The following CADPS variants were observed in gnomAD, a reference collection of about 807,000 sequenced individuals.
The protein encoded by CADPS is calcium dependent secretion activator.
A neutral mutation model predicts 167.3 loss-of-function variants in CADPS; 57 were observed. The observed-to-expected ratio is 0.34, with a 90% CI of 0.28 to 0.42. CADPS has a LOEUF of 0.42. Among genes scored for constraint, CADPS ranks in the 20% least tolerant of loss-of-function variants. CADPS has a pLI of 1.00. For missense variants in CADPS, 1,414 were observed against 1,738.1 expected (o/e 0.81, Z 3.32); for synonymous variants, 676 against 635.3 (o/e 1.06, Z -0.96).
intron 29 of CADPS, among the ~76,000 whole-genome samples, chr3:62,401,784 T>A (rs564288732): frequency 6.6e-6 from 1 of 152,172 alleles, no homozygotes; most frequent in Middle Eastern, 3.4e-3. Flanking sequence ...CCCCTCTGAC[T>A]TATATTTTTC....
rs371990813 is a variant in CADPS, at chr3:62,421,458, C to T, written c.3777+16646G>A. On this transcript the variant is annotated intron_variant, in intron 28 of 29. Transcript: ENST00000383710. This position sits in a 1 kb window ranked among gnomAD's most constrained non-coding sequence, Gnocchi z 4.7. ...CTTTTTGCTGACAGATGTACAAAGG[C>T]GGAACTGCGCCGTGCAGCTTATCCG... Among the ~76,000 whole-genome samples, 1 of 152,196 alleles carries T rather than the reference C, an allele frequency of 6.6e-6. No homozygotes were observed. The highest frequency in any genetic ancestry group is 1.5e-5 in the Non-Finnish European group (1 of 68,036).
intron 2 of CADPS, among the ~76,000 whole-genome samples, chr3:62,762,428 G>A (rs111524002): frequency 0.01 from 1,542 of 152,092 alleles, 21 homozygotes; most frequent in African/African-American, 0.035. Context: ...GGGCCAATGC[G>A]GGTGGATCAC....
chr3:62,790,567 T>C (rs1039177228), intron 1 of CADPS, among the ~76,000 whole-genome samples: 1 of 152,234 alleles, frequency 6.6e-6, no homozygotes, highest in African/African-American at 2.4e-5. Flanking sequence ...ACTAGATTCA[T>C]ACTAGTTCAG....
intron 1 of CADPS, among the ~76,000 whole-genome samples, chr3:62,830,081 G>A (rs2074800278): frequency 6.6e-6 from 1 of 152,252 alleles, no homozygotes; most frequent in Non-Finnish European, 1.5e-5. Flanking sequence ...GCCATCCTGT[G>A]CTTAGCTCTA....
chr3:62,777,915 T>G (rs761024252), intron 1 of CADPS, among the ~76,000 whole-genome samples: 4 of 152,194 alleles, frequency 2.6e-5, no homozygotes, highest in Non-Finnish European at 4.4e-5. Flanking sequence ...CATCATCTCA[T>G]GTCTTACGGC....
chr3:62,860,710 A>G, intron 1 of CADPS, among the ~76,000 whole-genome samples: 1 of 152,190 alleles, frequency 6.6e-6, no homozygotes, highest in Non-Finnish European at 1.5e-5. Context: ...CATAAAAGAT[A>G]GAAAAGATGG....
intron 10 of CADPS, 38 bp from the exon 11 acceptor site, chr3:62,550,153 G>C (rs2077093633): frequency 1.3e-6 from 2 of 1,535,050 alleles, no homozygotes; most frequent in African/African-American, 1.4e-5. Flanking sequence ...ACTAAGCTGA[G>C]CTGTGATGTT....
chr3:62,428,249 T>G (rs2053162963), intron 28 of CADPS, among the ~76,000 whole-genome samples: 1 of 151,070 alleles, frequency 6.6e-6, no homozygotes, highest in South Asian at 2.1e-4. Flanking sequence ...TCTTTTCAGG[T>G]TTTTGGACAC....
At chr3:62,682,909 T>G (rs1042375571) in intron 3 of CADPS, among the ~76,000 whole-genome samples, 3 of 152,112 alleles carry the variant, frequency 2.0e-5, no homozygotes, top group Non-Finnish European at 4.4e-5. Context: ...AACAAGATTA[T>G]GTGAAAGAAC....
intron 10 of CADPS, among the ~76,000 whole-genome samples, chr3:62,551,847 A>T (rs534889098): frequency 1.3e-5 from 2 of 151,988 alleles, no homozygotes; most frequent in Non-Finnish European, 2.9e-5. Flanking sequence ...TCTCCTTTGT[A>T]TCTTTTCCTA....
At chr3:62,491,532 G>A (rs375465652) in intron 20 of CADPS, 52 bp from the exon 21 acceptor site, 40 of 1,280,744 alleles carry the variant, frequency 3.1e-5, no homozygotes, top group African/African-American at 2.0e-4. Flanking sequence ...CTTTATCAAC[G>A]TACAACACAC....
Position 62,554,393 on chromosome 3 carries a change from A to G in CADPS, c.1753+3012T>C, listed in dbSNP as rs892553452. 2.0e-5 allele frequency among the ~76,000 whole-genome samples: 3 copies of G among 152,306 alleles called. No individual in the cohort carries two copies. The East Asian group carries it at 5.8e-4, about 29-fold the overall frequency. The stretch of plus-strand genomic sequence containing the variant: ...ATTGTAGGCTGGTACTAAGGCAACA[A>G]TATTAATTGCATCCCTCCCTTCTAT... On this transcript the variant is annotated intron_variant, in intron 10 of 29. Coordinates refer to ENST00000383710, the MANE Select transcript of CADPS (RefSeq NM_003716.4).
At chr3:62,408,670 T>G (rs2048362017) in intron 28 of CADPS, among the ~76,000 whole-genome samples, 1 of 152,238 alleles carries the variant, frequency 6.6e-6, no homozygotes, top group Non-Finnish European at 1.5e-5. Flanking sequence ...TGAGTCTTAA[T>G]TCCTGACCCC....
intron 13 of CADPS, among the ~76,000 whole-genome samples, chr3:62,529,805 G>T (rs1026744378): frequency 2.0e-5 from 3 of 152,176 alleles, no homozygotes; most frequent in Non-Finnish European, 1.5e-5. Flanking sequence ...TAATGATGAA[G>T]CATACAGCAT....
chr3:62,809,227 T>C (rs560287327), intron 1 of CADPS, among the ~76,000 whole-genome samples: 17 of 152,298 alleles, frequency 1.1e-4, no homozygotes, highest in South Asian at 4.1e-4. Context: ...AAAAAAAATA[T>C]ATTGAATCAC....
At chr3:62,445,694 A>T in intron 27 of CADPS, 71 bp downstream of exon 27, 1 of 1,211,758 alleles carries the variant, frequency 8.3e-7, no homozygotes, top group Non-Finnish European at 1.1e-6. Context: ...AATTCTCATG[A>T]AAACAAAAAG....
At chr3:62,468,138 C>T in intron 24 of CADPS, among the ~76,000 whole-genome samples, 1 of 152,124 alleles carries the variant, frequency 6.6e-6, no homozygotes, top group East Asian at 1.9e-4. Flanking sequence ...AAAAATTTAT[C>T]TGCAGAATTC....
At chr3:62,764,512 C>G (rs2086350413) in intron 2 of CADPS, among the ~76,000 whole-genome samples, 1 of 152,140 alleles carries the variant, frequency 6.6e-6, no homozygotes, top group Admixed American at 6.5e-5. Context: ...TGTGGTTGGT[C>G]CCAGCGAACA....
intron 1 of CADPS, among the ~76,000 whole-genome samples, chr3:62,775,937 T>C (rs1047063452): frequency 1.4e-5 from 2 of 145,504 alleles, no homozygotes; most frequent in South Asian, 2.3e-4. Flanking sequence ...ATGACAGATA[T>C]AATGATTACT....
Sources: allele counts gnomAD v4.1 joint callset (sites outside exome capture counted in the v4.1 genomes callset), GRCh38; gene constraint gnomAD v4.1.1; non-coding constraint Gnocchi (gnomAD v3.1); transcripts MANE v1.5; gene names NCBI Gene and HGNC (gene_info 2026-07-23, HGNC 2026-07-21).